FZD7: variants seen among roughly 807,000 people sequenced by gnomAD.
FZD7 encodes the protein frizzled class receptor 7, also known as frizzled-7.
Under a neutral mutation model 39.0 loss-of-function variants are expected in FZD7, and 21 were observed. The observed-to-expected ratio is 0.54, with a 90% CI of 0.38 to 0.78. The LOEUF is 0.78. Among genes scored for constraint, FZD7 ranks in the 30% least tolerant of loss-of-function variants. The pLI is 0.00. For synonymous variants in FZD7, 428 were observed against 364.9 expected, an observed-to-expected ratio of 1.17 and a Z score of -1.97; for missense variants, 695 against 805.0, an observed-to-expected ratio of 0.86 and a Z score of 1.65.
In FZD7 at chr2:202,034,488, A is replaced by G. The variant is rs111910377; in HGVS notation, c.-160A>G. ...CGGCGCCTTCGCGGCGCGGGCACCC[A>G]GGCGGCAGCGCCCTTTGCTCCACGC... On this transcript the variant is annotated 5_prime_UTR_variant, in exon 1 of 1. Coordinates refer to ENST00000286201, the MANE Select transcript of FZD7 (RefSeq NM_003507.2). 1.6e-5 allele frequency: 7 copies of G among 448,748 alleles called. No individual in the cohort carries two copies. Among genetic ancestry groups the G allele is most frequent in the Non-Finnish European group, 2.2e-5 (6 of 278,914 alleles). 27.8% of individuals were successfully genotyped at this position (448,748 alleles called of 1,614,324 possible).
chr2:202,036,280 G>C lies in FZD7; in HGVS notation c.1633G>C (p.Gly545Arg). 1 of 1,613,420 alleles carries C rather than the reference G, an allele frequency of 6.2e-7. No homozygotes were observed. Among genetic ancestry groups the C allele is most frequent in the Non-Finnish European group, 8.5e-7 (1 of 1,179,986 alleles). Residue 545 changes from glycine to arginine, a missense_variant, in exon 1 of 1, where the codon GGC (glycine) becomes CGC (arginine). Transcript: ENST00000286201. ...LMTMIVGITT[G>R]FWIWSGKTLQ... ...GACCATGATCGTCGGCATCACCACT[G>C]GCTTCTGGATCTGGTCGGGCAAGAC...
rs988550325 is a variant in FZD7 at position 202,033,870 on chromosome 2, C to T, written c.-778C>T. On this transcript the variant is annotated 5_prime_UTR_variant, in exon 1 of 1. Transcript: ENST00000286201. ...ACTCCGAGGCGTTAGTCGGCGCTCACTCCCGGCGGGCGGCGGCGGCGGCGG... is the reference window on the plus strand; with the variant it reads ...ACTCCGAGGCGTTAGTCGGCGCTCATTCCCGGCGGGCGGCGGCGGCGGCGG... Among the ~76,000 whole-genome samples the T allele has an allele frequency of 6.8e-6, 1 of 147,872 alleles. No individual in the cohort carries two copies. The highest frequency in any genetic ancestry group is 2.5e-5 in the African/African-American group (1 of 40,228).
chr2:202,035,542 G>A lies in FZD7; in HGVS notation c.895G>A (p.Val299Met). ...CTTCCTGTCGGGCTGCTACTTCATG[G>A]TGGCCGTGGCGCACGTGGCCGGCTT... ...IIFLSGCYFM[V>M]AVAHVAGFLL... Residue 299 changes from valine (V) to methionine (M), a missense_variant, in exon 1 of 1, where the codon GTG becomes ATG. Transcript: ENST00000286201. 3 of 1,614,168 alleles carry A rather than the reference G, an allele frequency of 1.9e-6. No individual in the cohort carries two copies. Among genetic ancestry groups the A allele is most frequent in the South Asian group, 1.1e-5 (1 of 91,082 alleles).
rs902803414 is a variant in FZD7 at position 202,037,576 on chromosome 2, G to A, written c.*1204G>A. 5.4e-5 allele frequency: 9 copies of A among 166,510 alleles called. No individual in the cohort carries two copies. Among genetic ancestry groups the A allele is most frequent in the African/African-American group, 1.2e-4 (5 of 41,206 alleles). The allele number at this position is 166,510 out of a possible 1,614,324, so 10.3% of individuals were successfully genotyped here. On this transcript the variant is annotated 3_prime_UTR_variant, in exon 1 of 1. Coordinates refer to ENST00000286201, the MANE Select transcript of FZD7 (RefSeq NM_003507.2). ...TTTCTTGCTATAAGCCTATATTTAG[G>A]TTTCTTTTCTATTTTTTTCTCCCAT...
At position 202,034,451 on chromosome 2, in the gene FZD7, C is replaced by T. The variant is rs1432364345; in HGVS notation, c.-197C>T. The T allele has an allele frequency of 2.4e-5, 8 of 335,586 alleles. No individual in the cohort carries two copies. Among genetic ancestry groups the T allele is most frequent in the Non-Finnish European group, 4.2e-5 (8 of 189,782 alleles). 20.8% of individuals were successfully genotyped at this position (335,586 alleles called of 1,614,324 possible). A position where few individuals can be genotyped will look rare whatever the true frequency, so the allele number is the denominator to read the frequency against. The stretch of plus-strand genomic sequence containing the variant: ...CCCCGGCGGCCCTGCGAGTGCAGGG[C>T]GGCGGCGTCTGCGGCGCCTTCGCGG... On this transcript the variant is annotated 5_prime_UTR_variant, in exon 1 of 1. Coordinates refer to ENST00000286201, the MANE Select transcript of FZD7 (RefSeq NM_003507.2).
rs760267744 is a variant in FZD7, at chr2:202,035,850, G to C, written c.1203G>C (p.Gln401His). 1 of 1,614,154 alleles carries C rather than the reference G, an allele frequency of 6.2e-7. No homozygotes were observed. Among genetic ancestry groups the C allele is most frequent in the South Asian group, 1.1e-5 (1 of 91,080 alleles). The change falls in exon 1 of 1, where the codon CAG (glutamine) becomes CAC (histidine). Residue 401 changes from glutamine (Q) to histidine (H), a missense_variant. Transcript: ENST00000286201. ...VKTITILAMG[Q>H]VDGDLLSGVC... ...CCATCACTATCCTGGCCATGGGCCAGGTAGACGGGGACCTGCTGAGCGGGG... is the reference window on the plus strand; with the variant it reads ...CCATCACTATCCTGGCCATGGGCCACGTAGACGGGGACCTGCTGAGCGGGG...
chr2:202,034,749 G>A lies in FZD7; in HGVS notation c.102G>A (p.Pro34=), dbSNP rs773573783. ...TGTCCGCGGGCGCCGGGGCGCAGCCGTACCACGGAGAGAAGGGCATCTCCG... is the reference window on the plus strand; with the variant it reads ...TGTCCGCGGGCGCCGGGGCGCAGCCATACCACGGAGAGAAGGGCATCTCCG... ...GALSAGAGAQ[P]YHGEKGISVP... is the part of the protein sequence containing the mutation. The change falls in exon 1 of 1, where the codon CCG becomes CCA. Residue 34 remains proline, a synonymous_variant. Coordinates refer to ENST00000286201, the MANE Select transcript of FZD7 (RefSeq NM_003507.2). 6.2e-7 allele frequency: 1 copy of A among 1,612,238 alleles called. No individual in the cohort carries two copies. The highest frequency in any genetic ancestry group is 2.2e-5 in the East Asian group (1 of 44,870).
At position 202,034,781 on chromosome 2, in the gene FZD7, A is replaced by G. The variant is rs1367964884; in HGVS notation, c.134A>G (p.Asp45Gly). 25 of 1,612,748 alleles carry G rather than the reference A, an allele frequency of 1.6e-5. No individual in the cohort carries two copies. Among genetic ancestry groups the G allele is most frequent in the Non-Finnish European group, 2.0e-5 (24 of 1,179,998 alleles). The part of the protein sequence containing the change: ...YHGEKGISVP[D>G]HGFCQPISIP... ...GGAGAGAAGGGCATCTCCGTGCCGG[A>G]CCACGGCTTCTGCCAGCCCATCTCC... Residue 45 changes from aspartate to glycine, a missense_variant, in exon 1 of 1, where the codon GAC (aspartate) becomes GGC (glycine). Asp to Gly is a moderately conservative substitution (Grantham distance 94). Transcript: ENST00000286201.
chr2:202,034,512 G>A lies in FZD7; in HGVS notation c.-136G>A. 4 of 661,060 alleles carry A rather than the reference G, an allele frequency of 6.1e-6. No individual in the cohort carries two copies. Among genetic ancestry groups the A allele is most frequent in the Non-Finnish European group, 9.0e-6 (4 of 446,088 alleles). 40.9% of individuals were successfully genotyped at this position (661,060 alleles called of 1,614,324 possible). ...CAGGCGGCAGCGCCCTTTGCTCCACGCCGCCCACGGCCCGGCCCCGGCGCC... is the reference window on the plus strand; with the variant it reads ...CAGGCGGCAGCGCCCTTTGCTCCACACCGCCCACGGCCCGGCCCCGGCGCC... On this transcript the variant is annotated 5_prime_UTR_variant, in exon 1 of 1. Transcript: ENST00000286201.
rs183411123 is a variant in FZD7 at position 202,038,067 on chromosome 2, A to G, written c.*1695A>G. On this transcript the variant is annotated 3_prime_UTR_variant, in exon 1 of 1. Coordinates refer to ENST00000286201, the MANE Select transcript of FZD7 (RefSeq NM_003507.2). Reference sequence around the variant, plus strand: ...TCCTGTTTCTCAGAACAGTTTTTAAATGCCAATCATAGAGGGTACTGTAAA... The same window carrying G: ...TCCTGTTTCTCAGAACAGTTTTTAAGTGCCAATCATAGAGGGTACTGTAAA... 1 of 167,080 alleles carries G rather than the reference A, an allele frequency of 6.0e-6. No homozygotes were observed. Among genetic ancestry groups the G allele is most frequent in the South Asian group, 2.1e-4 (1 of 4,834 alleles). The allele number at this position is 167,080 out of a possible 1,614,324, so 10.3% of individuals were successfully genotyped here.
Position 202,034,921 on chromosome 2 carries a change from G to A in FZD7, c.274G>A (p.Val92Met). ...EVHQFYPLVK[V>M]QCSPELRFFL... Reference sequence around the variant, plus strand: ...GCACCAGTTCTACCCGCTGGTGAAGGTGCAGTGTTCTCCCGAACTCCGCTT... The same window carrying A: ...GCACCAGTTCTACCCGCTGGTGAAGATGCAGTGTTCTCCCGAACTCCGCTT... The change falls in exon 1 of 1, where the codon GTG (valine) becomes ATG (methionine). Residue 92 changes from valine to methionine, a missense_variant. Coordinates refer to ENST00000286201, the MANE Select transcript of FZD7 (RefSeq NM_003507.2). 1 of 1,614,230 alleles carries A rather than the reference G, an allele frequency of 6.2e-7. No individual in the cohort carries two copies. The highest frequency in any genetic ancestry group is 8.5e-7 in the Non-Finnish European group (1 of 1,180,040).
At position 202,034,881 on chromosome 2, in the gene FZD7, C is replaced by T. The variant is rs777749596; in HGVS notation, c.234C>T (p.Asp78=). Residue 78 remains aspartate (D), a synonymous_variant, in exon 1 of 1, where the codon GAC becomes GAT. Coordinates refer to ENST00000286201, the MANE Select transcript of FZD7 (RefSeq NM_003507.2). ...TGCTGGGCCACACGAACCAAGAGGA[C>T]GCGGGCCTCGAGGTGCACCAGTTCT... ...PNLLGHTNQE[D]AGLEVHQFYP... is the part of the protein sequence containing the mutation. 4 of 1,614,174 alleles carry T rather than the reference C, an allele frequency of 2.5e-6. No individual in the cohort carries two copies. The highest frequency in any genetic ancestry group is 3.4e-6 in the Non-Finnish European group (4 of 1,180,014).
chr2:202,035,992 C>G lies in FZD7; in HGVS notation c.1345C>G (p.Arg449Gly). The change falls in exon 1 of 1, where the codon CGT (arginine) becomes GGT (glycine). Residue 449 changes from arginine to glycine, a missense_variant. By Grantham distance (125) the Arg-to-Gly change is moderately radical (BLOSUM62 -2). Transcript: ENST00000286201. ...FLLAGFVSLFRIRTIMKHDGT... is the reference protein window; with the variant it reads ...FLLAGFVSLFGIRTIMKHDGT... ...GCTGGCCGGCTTCGTGTCCCTCTTCCGTATCCGCACCATCATGAAACACGA... is the reference window on the plus strand; with the variant it reads ...GCTGGCCGGCTTCGTGTCCCTCTTCGGTATCCGCACCATCATGAAACACGA... 1 of 1,614,182 alleles carries G rather than the reference C, an allele frequency of 6.2e-7. No individual in the cohort carries two copies. The highest frequency in any genetic ancestry group is 1.1e-5 in the South Asian group (1 of 91,080).
rs779007814 is a variant in FZD7 at position 202,034,801 on chromosome 2, A to G, written c.154A>G (p.Ile52Val). The G allele has an allele frequency of 4.3e-6, 7 of 1,613,238 alleles. No individual in the cohort carries two copies. The East Asian group carries it at 1.1e-4, about 26-fold the overall frequency. ...GCCGGACCACGGCTTCTGCCAGCCC[A>G]TCTCCATCCCGCTGTGCACGGACAT... ...SVPDHGFCQP[I>V]SIPLCTDIAY... The change falls in exon 1 of 1, where the codon ATC becomes GTC. Residue 52 changes from isoleucine (I) to valine (V), a missense_variant. Physicochemically the swap from Ile to Val is conservative, Grantham distance 29. Transcript: ENST00000286201.
rs1000638888 is a variant in FZD7 at position 202,036,030 on chromosome 2, C to T, written c.1383C>T (p.Thr461=). 2 of 1,614,200 alleles carry T rather than the reference C, an allele frequency of 1.2e-6. No individual in the cohort carries two copies. Among genetic ancestry groups the T allele is most frequent in the East Asian group, 2.2e-5 (1 of 44,882 alleles). Residue 461 remains threonine, a synonymous_variant, in exon 1 of 1, where the codon ACC becomes ACT. Transcript: ENST00000286201. The part of the protein sequence containing the change: ...RTIMKHDGTK[T]EKLEKLMVRI... The stretch of plus-strand genomic sequence containing the variant: ...TCATGAAACACGACGGCACCAAGAC[C>T]GAGAAGCTGGAGAAGCTCATGGTGC...
chr2:202,034,419 T>G lies in FZD7; in HGVS notation c.-229T>G, dbSNP rs978164676. ...GCGCCCCCAACCCAGGCTGACGAGT[T>G]TTGGGCCCCCGGCGGCCCTGCGAGT... On this transcript the variant is annotated 5_prime_UTR_variant, in exon 1 of 1. Transcript: ENST00000286201. Among the ~76,000 whole-genome samples, 7 of 151,224 alleles carry G rather than the reference T, an allele frequency of 4.6e-5. No homozygotes were observed. Among genetic ancestry groups the G allele is most frequent in the African/African-American group, 1.5e-4 (6 of 41,240 alleles).
rs1688779070 is a variant in FZD7 at position 202,038,287 on chromosome 2, G to A, written c.*1915G>A. On this transcript the variant is annotated 3_prime_UTR_variant, in exon 1 of 1. Transcript: ENST00000286201. ...TGTGAAATTTGTAAAATAGAGATAA[G>A]TACAGTATGTATATTTTGTAAATCT... The A allele has an allele frequency of 6.0e-6, 1 of 166,998 alleles. No individual in the cohort carries two copies. The highest frequency in any genetic ancestry group is 1.5e-5 in the Non-Finnish European group (1 of 68,118). The allele number at this position is 166,998 out of a possible 1,614,324, so 10.3% of individuals were successfully genotyped here. A position where few individuals can be genotyped will look rare whatever the true frequency, so the allele number is the denominator to read the frequency against.
In FZD7 at chr2:202,036,474, T is replaced by TC; in HGVS notation, c.*107dup. Reference sequence around the variant, plus strand: ...GTGGGGGCCTGTTTCTGTAACTTTCTCCCCCTCTACTGAGAAGTGACCTGG... The same window carrying TC: ...GTGGGGGCCTGTTTCTGTAACTTTCTCCCCCCTCTACTGAGAAGTGACCTGG... On this transcript the variant is annotated 3_prime_UTR_variant, in exon 1 of 1. Transcript: ENST00000286201. The TC allele has an allele frequency of 1.1e-6, 1 of 902,918 alleles. No homozygotes were observed. Among genetic ancestry groups the TC allele is most frequent in the Non-Finnish European group, 1.7e-6 (1 of 594,006 alleles). The allele number at this position is 902,918 out of a possible 1,614,324, so 55.9% of individuals were successfully genotyped here.
At position 202,035,395 on chromosome 2, in the gene FZD7, A is replaced by G. The variant is rs374592078; in HGVS notation, c.748A>G (p.Arg250Gly). The G allele has an allele frequency of 6.2e-7, 1 of 1,612,720 alleles. No homozygotes were observed. The highest frequency in any genetic ancestry group is 8.5e-7 in the Non-Finnish European group (1 of 1,179,932). Residue 250 changes from arginine to glycine, a missense_variant, in exon 1 of 1, where the codon AGG becomes GGG. Arg to Gly is a moderately radical substitution (Grantham distance 125, BLOSUM62 -2). Transcript: ENST00000286201. ...NGLMYFKEEE[R>G]RFARLWVGVW... ...CCTGATGTACTTTAAGGAGGAGGAG[A>G]GGCGCTTCGCCCGCCTCTGGGTGGG...
Sources: gnomAD v4.1 joint callset for allele counts (sites outside exome capture counted in the v4.1 genomes callset) on GRCh38, gnomAD v4.1.1 for gene constraint, MANE v1.5 for transcripts, NCBI Gene and HGNC (gene_info 2026-07-23, HGNC 2026-07-21) for gene names.